CHN2: variants seen among roughly 807,000 people sequenced by gnomAD.
CHN2 encodes chimerin 2.
Under a neutral mutation model 56.3 loss-of-function variants are expected in CHN2, and 35 were observed. That is an observed-to-expected ratio of 0.62 (90% CI 0.47 to 0.82). The LOEUF is 0.82. Among genes scored for constraint, CHN2 ranks in the 40% least tolerant of loss-of-function variants. The pLI, the probability that CHN2 is intolerant of heterozygous loss-of-function variation, is 0.00. For synonymous variants in CHN2, 210 were observed against 212.8 expected (o/e 0.99, Z 0.12); for missense variants, 491 against 580.5 (o/e 0.85, Z 1.58).
At chr7:29,210,671 G>A (rs1784846223) in intron 1 of CHN2, among the ~76,000 whole-genome samples, 1 of 151,886 alleles carries the variant, frequency 6.6e-6, no homozygotes, top group Non-Finnish European at 1.5e-5. Flanking sequence ...AGGGTGATAA[G>A]TTCTATGGAG....
intron 2 of CHN2, among the ~76,000 whole-genome samples, chr7:29,174,122 G>T (rs1226130929): frequency 6.6e-6 from 1 of 152,094 alleles, no homozygotes; most frequent in African/African-American, 2.4e-5. Context: ...CAGGGCAAAA[G>T]GCTGGAGAGA....
chr7:29,224,776 T>C (rs141990027), intron 1 of CHN2, among the ~76,000 whole-genome samples: 1 of 152,220 alleles, frequency 6.6e-6, no homozygotes, highest in African/African-American at 2.4e-5. Flanking sequence ...ACATGTTATA[T>C]TTTTTCATAT....
chr7:29,262,565 A>G (rs1789645087), intron 1 of CHN2, among the ~76,000 whole-genome samples: 1 of 152,198 alleles, frequency 6.6e-6, no homozygotes, highest in African/African-American at 2.4e-5. Flanking sequence ...GACTTCATTC[A>G]ATTCTCTAAT....
chr7:29,213,876 C>A (rs1785141155), intron 1 of CHN2, among the ~76,000 whole-genome samples: 1 of 149,306 alleles, frequency 6.7e-6, no homozygotes. Context: ...AGTAAAAATA[C>A]AGCTTAAACA....
At chr7:29,385,715 T>G (rs1420246003) in intron 3 of CHN2, among the ~76,000 whole-genome samples, 1 of 152,186 alleles carries the variant, frequency 6.6e-6, no homozygotes, top group South Asian at 2.1e-4. Context: ...TCACCTCCCC[T>G]CCCAGTTGAG....
chr7:29,405,226 A>G (rs1802556035), intron 6 of CHN2, among the ~76,000 whole-genome samples: 1 of 66,136 alleles, frequency 1.5e-5, no homozygotes. Flanking sequence ...CACACACGGC[A>G]GTTCCAACAC....
chr7:29,507,618 C>G (rs552506434), intron 11 of CHN2, among the ~76,000 whole-genome samples: 23 of 152,084 alleles, frequency 1.5e-4, no homozygotes, highest in Non-Finnish European at 1.5e-5. Flanking sequence ...GGAACCAACA[C>G]AGTCAGGCCT....
chr7:29,354,535 T>C (rs1019875567), intron 1 of CHN2, 90 bp from the exon 2 acceptor site: 4 of 1,165,894 alleles, frequency 3.4e-6, no homozygotes, highest in Middle Eastern at 1.9e-4. Context: ...GCAAGTACTG[T>C]GGACAGACTG....
intron 2 of CHN2, among the ~76,000 whole-genome samples, chr7:29,170,474 T>G (rs1271025529): frequency 6.6e-6 from 1 of 152,238 alleles, no homozygotes; most frequent in East Asian, 1.9e-4. Flanking sequence ...TTATTCATAT[T>G]TTCTCCAATT....
chr7:29,279,346 T>C (rs567791241), intron 1 of CHN2, among the ~76,000 whole-genome samples: 2 of 152,304 alleles, frequency 1.3e-5, no homozygotes, highest in South Asian at 2.1e-4. Context: ...CACAAACATA[T>C]TGGATTGAAG....
At chr7:29,383,780 G>A (rs1261430781) in intron 3 of CHN2, among the ~76,000 whole-genome samples, 1 of 152,142 alleles carries the variant, frequency 6.6e-6, no homozygotes, top group Non-Finnish European at 1.5e-5. Flanking sequence ...TGACCATGCA[G>A]CAGTGGGGAA....
intron 3 of CHN2, among the ~76,000 whole-genome samples, chr7:29,388,944 C>A (rs1339139187): frequency 6.6e-5 from 10 of 152,204 alleles, no homozygotes; most frequent in African/African-American, 2.4e-4. Flanking sequence ...AAAGTCATAA[C>A]ATGGATGTTA....
At position 29,445,044 on chromosome 7, in the gene CHN2, A is replaced by G. The variant is rs532982156; in HGVS notation, c.577-35235A>G. ...AAGAGATAGAGACAGAGGCTACGCA[A>G]AATTCTCTCCCATTTTAGTCTGTTG... On this transcript the variant is annotated intron_variant, in intron 6 of 12. Transcript: ENST00000222792. 2.5e-3 allele frequency: 1,107 copies of G among 444,282 alleles called. 28 individuals are homozygous for G. Among genetic ancestry groups the G allele is most frequent in the South Asian group, 0.018 (1,082 of 61,818 alleles). 27.5% of individuals were successfully genotyped at this position (444,282 alleles called of 1,614,324 possible). A position where few individuals can be genotyped will look rare whatever the true frequency, so the allele number is the denominator to read the frequency against.
intron 1 of CHN2, among the ~76,000 whole-genome samples, chr7:29,312,785 G>A (rs889677725): frequency 5.3e-5 from 8 of 152,010 alleles, no homozygotes; most frequent in Admixed American, 6.6e-5. Context: ...CCAAATAATG[G>A]CATTATTTTT....
At chr7:29,356,923 C>T (rs1348735499) in intron 2 of CHN2, among the ~76,000 whole-genome samples, 1 of 152,176 alleles carries the variant, frequency 6.6e-6, no homozygotes, top group Non-Finnish European at 1.5e-5. Flanking sequence ...CACTGGCTCG[C>T]GCATGGCCTT....
At chr7:29,266,538 TC>T (rs1790159753) in intron 1 of CHN2, among the ~76,000 whole-genome samples, 1 of 152,204 alleles carries the variant, frequency 6.6e-6, no homozygotes, top group African/African-American at 2.4e-5. Context: ...CATTTATTGA[TC>T]GTTTATGAGC....
intron 1 of CHN2, among the ~76,000 whole-genome samples, chr7:29,222,266 C>T (rs753207478): frequency 5.3e-5 from 8 of 152,118 alleles, no homozygotes; most frequent in Non-Finnish European, 7.4e-5. Context: ...GAATCAATAT[C>T]GTGAAAATGA....
At chr7:29,405,086 G>A (rs888859637) in intron 6 of CHN2, among the ~76,000 whole-genome samples, 2 of 150,626 alleles carry the variant, frequency 1.3e-5, no homozygotes, top group African/African-American at 2.4e-5. Context: ...AAAATAATGC[G>A]CTGTGTATTA....
At chr7:29,390,101 A>C (rs1027290085) in intron 3 of CHN2, among the ~76,000 whole-genome samples, 3 of 150,852 alleles carry the variant, frequency 2.0e-5, no homozygotes, top group Non-Finnish European at 4.4e-5. Context: ...TGGTCACACC[A>C]TATACAGTGA....
Sources: gnomAD v4.1 joint callset for allele counts (sites outside exome capture counted in the v4.1 genomes callset) on GRCh38, gnomAD v4.1.1 for gene constraint, MANE v1.5 for transcripts, NCBI Gene and HGNC (gene_info 2026-07-23, HGNC 2026-07-21) for gene names.